HPSE2: variants seen among roughly 807,000 people sequenced by gnomAD.
HPSE2 encodes the protein inactive heparanase-2.
A neutral mutation model predicts 60.5 loss-of-function variants in HPSE2; 38 were observed. That is an observed-to-expected ratio of 0.63 (90% CI 0.48 to 0.82). The LOEUF is 0.82. Among genes scored for constraint, HPSE2 ranks in the 40% least tolerant of loss-of-function variants. The pLI, the probability that HPSE2 is intolerant of heterozygous loss-of-function variation, is 0.00. For missense variants in HPSE2, 713 were observed against 740.4 expected (o/e 0.96, Z 0.43); for synonymous variants, 295 against 293.2 (o/e 1.01, Z -0.06).
chr10:98,960,516 T>C (rs1395779571), intron 3 of HPSE2, among the ~76,000 whole-genome samples: 1 of 152,008 alleles, frequency 6.6e-6, no homozygotes, highest in Non-Finnish European at 1.5e-5. Context: ...GAAAAGGGGC[T>C]GAGAATGAGT....
intron 2 of HPSE2, among the ~76,000 whole-genome samples, chr10:99,210,811 G>A (rs188656728): frequency 1.2e-3 from 183 of 152,174 alleles, no homozygotes; most frequent in Middle Eastern, 3.4e-3. Flanking sequence ...CACAGCTAAC[G>A]TTATACTCAA....
At chr10:98,506,988 CG>C (rs1942224334) in intron 9 of HPSE2, among the ~76,000 whole-genome samples, 1 of 152,144 alleles carries the variant, frequency 6.6e-6, no homozygotes, top group Admixed American at 6.5e-5. Flanking sequence ...GTATGCTTCT[CG>C]TATACTGTAG....
intron 3 of HPSE2, among the ~76,000 whole-genome samples, chr10:98,950,154 C>G (rs1022140331): frequency 6.6e-6 from 1 of 152,072 alleles, no homozygotes; most frequent in Non-Finnish European, 1.5e-5. Context: ...TTCATCAGAA[C>G]AAGCAAGCAA....
chr10:98,542,626 T>G (rs1041637600), intron 9 of HPSE2, among the ~76,000 whole-genome samples: 17 of 151,854 alleles, frequency 1.1e-4, no homozygotes, highest in African/African-American at 3.9e-4. Context: ...TACAGAGAAG[T>G]GCTTAAAGGA....
chr10:98,695,792 T>C (rs1254092059), intron 5 of HPSE2, among the ~76,000 whole-genome samples: 1 of 152,166 alleles, frequency 6.6e-6, no homozygotes, highest in African/African-American at 2.4e-5. Flanking sequence ...GGAGAGTAGC[T>C]CCAATCTCCT....
intron 3 of HPSE2, among the ~76,000 whole-genome samples, chr10:99,078,961 G>A (rs1350185020): frequency 1.3e-5 from 2 of 152,010 alleles, no homozygotes; most frequent in African/African-American, 2.4e-5. Flanking sequence ...CAAGATAAAC[G>A]AGACTGAATC....
At chr10:99,013,941 G>T in intron 3 of HPSE2, 1 of 426,100 alleles carries the variant, frequency 2.3e-6, no homozygotes, top group South Asian at 1.8e-5. Context: ...TCCTGGTGAA[G>T]AGAATTCCCA....
intron 9 of HPSE2, among the ~76,000 whole-genome samples, chr10:98,594,778 T>A (rs1029887503): frequency 1.3e-5 from 2 of 152,186 alleles, no homozygotes; most frequent in Non-Finnish European, 2.9e-5. Context: ...AGGGCAGATA[T>A]CTCTTCAATG....
rs369744725 is a variant in HPSE2, at chr10:98,822,310, A to G, written c.611-78254T>C. On this transcript the variant is annotated intron_variant, in intron 3 of 11. Coordinates refer to ENST00000370552, the MANE Select transcript of HPSE2 (RefSeq NM_021828.5). ...TTCATTCAGCCACCTCCATATCAAGATTATAAATATGTTCTAGTTAAAATT... is the reference window on the plus strand; with the variant it reads ...TTCATTCAGCCACCTCCATATCAAGGTTATAAATATGTTCTAGTTAAAATT... Among the ~76,000 whole-genome samples, 11 of 152,284 alleles carry G rather than the reference A, an allele frequency of 7.2e-5. No homozygotes were observed. The East Asian group carries it at 1.9e-3, about 27-fold the overall frequency.
At chr10:98,580,943 CTT>C (rs1467287674) in intron 9 of HPSE2, among the ~76,000 whole-genome samples, 3 of 147,476 alleles carry the variant, frequency 2.0e-5, no homozygotes, top group African/African-American at 7.5e-5. Context: ...TATTATTCAT[CTT>C]TCTTTTTTTT....
intron 3 of HPSE2, among the ~76,000 whole-genome samples, chr10:98,939,552 C>A (rs577758118): frequency 7.0e-6 from 1 of 143,616 alleles, no homozygotes; most frequent in South Asian, 2.1e-4. Flanking sequence ...TATATATGCA[C>A]CCAATACAGG....
chr10:98,620,603 A>T lies in HPSE2; in HGVS notation c.1204T>A (p.Leu402Ile). Residue 402 changes from leucine (L) to isoleucine (I), a missense_variant and splice_region_variant, in exon 8 of 12, where the codon TTA becomes ATA. By Grantham distance (5) the Leu-to-Ile change is conservative. Coordinates refer to ENST00000370552, the MANE Select transcript of HPSE2 (RefSeq NM_021828.5). Reference sequence around the variant, plus strand: ...GGTGAACTTGCAGGTGTTACTCACAAGAATCCTGCAGCATAGGAATCGGAT... The same window carrying T: ...GGTGAACTTGCAGGTGTTACTCACATGAATCCTGCAGCATAGGAATCGGAT... ...NLSDSYAAGF[L>I]WLNTLGMLAN... 1 of 1,612,106 alleles carries T rather than the reference A, an allele frequency of 6.2e-7. No homozygotes were observed. The highest frequency in any genetic ancestry group is 8.5e-7 in the Non-Finnish European group (1 of 1,178,188).
chr10:98,879,163 A>T (rs1952952436), intron 3 of HPSE2, among the ~76,000 whole-genome samples: 1 of 152,006 alleles, frequency 6.6e-6, no homozygotes. Context: ...TCAGGAGGAG[A>T]GTGCCAGCAA....
chr10:98,855,421 T>C (rs1213086428), intron 3 of HPSE2, among the ~76,000 whole-genome samples: 1 of 151,904 alleles, frequency 6.6e-6, no homozygotes, highest in Non-Finnish European at 1.5e-5. Flanking sequence ...GGAAGGGTGG[T>C]AATAACCACT....
intron 3 of HPSE2, among the ~76,000 whole-genome samples, chr10:99,075,897 T>C (rs1317085234): frequency 6.6e-6 from 1 of 152,192 alleles, no homozygotes; most frequent in African/African-American, 2.4e-5. Flanking sequence ...ACTTTTAGCC[T>C]ATGTATGTGT....
intron 4 of HPSE2, among the ~76,000 whole-genome samples, chr10:98,729,875 T>G (rs180902791): frequency 2.6e-4 from 40 of 151,574 alleles, no homozygotes; most frequent in Admixed American, 1.4e-3. Flanking sequence ...AAGAGAGAAA[T>G]AGAAAATTCA....
At chr10:98,780,906 T>C (rs1472860586) in intron 3 of HPSE2, among the ~76,000 whole-genome samples, 2 of 152,088 alleles carry the variant, frequency 1.3e-5, no homozygotes, top group East Asian at 3.9e-4. Flanking sequence ...CTGGATTCCC[T>C]TGTAGTTAGG....
intron 3 of HPSE2, among the ~76,000 whole-genome samples, chr10:98,842,353 G>C (rs2134695842): frequency 6.6e-6 from 1 of 152,248 alleles, no homozygotes; most frequent in South Asian, 2.1e-4. Flanking sequence ...CTCCAAGCTT[G>C]TCATGGCTAC....
At chr10:99,242,873 T>C in the HPSE2 span, among the ~76,000 whole-genome samples, 1 of 152,220 alleles carries the variant, frequency 6.6e-6, no homozygotes, top group African/African-American at 2.4e-5. Context: ...TGGCATATAG[T>C]TGCTACTCAT....
Sources: allele counts gnomAD v4.1 joint callset (sites outside exome capture counted in the v4.1 genomes callset), GRCh38; gene constraint gnomAD v4.1.1; transcripts MANE v1.5; gene names NCBI Gene and HGNC (gene_info 2026-07-23, HGNC 2026-07-21).